Variants in RBM34 observed in about 807,000 individuals in gnomAD.
RBM34 encodes the protein RNA binding motif protein 34.
In RBM34, 39 loss-of-function variants were observed where a neutral mutation model predicts 44.6. That is an observed-to-expected ratio of 0.87 (90% CI 0.68 to 1.14). RBM34 has a LOEUF of 1.14. Ranked by LOEUF, RBM34 falls within the 50% of genes most tolerant of loss-of-function variation. The pLI is 0.00. For missense variants in RBM34, 572 were observed against 517.9 expected (o/e 1.10, Z -1.01); for synonymous variants, 194 against 184.0 (o/e 1.05, Z -0.44).
intron 3 of RBM34, 104 bp from the exon 4 acceptor site, chr1:235,155,216 G>A (rs950179962): frequency 1.1e-6 from 1 of 937,572 alleles, no homozygotes; most frequent in East Asian, 2.6e-5. Flanking sequence ...ATTTCCCAAT[G>A]TCTTCTGAAT....
At position 235,140,757 on chromosome 1, in the gene RBM34, C is replaced by G. The variant is rs572643194; in HGVS notation, c.702-2583G>C. Among the ~76,000 whole-genome samples, 5 of 152,338 alleles carry G rather than the reference C, an allele frequency of 3.3e-5. No homozygotes were observed. The East Asian group carries it at 7.7e-4, about 24-fold the overall frequency. On this transcript the variant is annotated intron_variant, in intron 6 of 10. Coordinates refer to ENST00000408888, the MANE Select transcript of RBM34 (RefSeq NM_015014.4). ...CACTGGGTGAAGCCAGCTGGGCTCC[C>G]GAGTCTGGTGGGGATGTGGACAACC... is the stretch of plus-strand genomic sequence containing the variant.
intron 5 of RBM34, among the ~76,000 whole-genome samples, chr1:235,149,004 A>G (rs1391088845): frequency 1.3e-5 from 2 of 152,126 alleles, no homozygotes; most frequent in Non-Finnish European, 2.9e-5. Context: ...ACCCAGACAG[A>G]AGTTAAGATA....
In RBM34 at chr1:235,131,671, T is replaced by G. The variant is rs758517108; in HGVS notation, c.*42A>C. 5 of 1,544,010 alleles carry G rather than the reference T, an allele frequency of 3.2e-6. No homozygotes were observed. The highest frequency in any genetic ancestry group is 4.3e-5 in the Admixed American group (2 of 46,074). The stretch of plus-strand genomic sequence containing the variant: ...CTATCAGCAGATAATAGCACTTTTA[T>G]TAGCAGTACTCAGCAGGAAAAGAAA... On this transcript the variant is annotated 3_prime_UTR_variant, in exon 11 of 11. Transcript: ENST00000408888.
At chr1:235,132,350 C>A (rs1224880262) in intron 10 of RBM34, among the ~76,000 whole-genome samples, 1 of 151,906 alleles carries the variant, frequency 6.6e-6, no homozygotes, top group Non-Finnish European at 1.5e-5. Context: ...CGCTCTGTTG[C>A]CAGGCTGGAG....
chr1:235,141,733 C>T (rs1011557348), intron 6 of RBM34, among the ~76,000 whole-genome samples: 6 of 152,120 alleles, frequency 3.9e-5, no homozygotes, highest in East Asian at 1.9e-4. Context: ...ACGAGGCCAC[C>T]GGGAGGAACG....
At chr1:235,148,326 T>G in intron 6 of RBM34, 78 bp downstream of exon 6, 1 of 1,073,030 alleles carries the variant, frequency 9.3e-7, no homozygotes, top group South Asian at 1.6e-5. Context: ...TCTATGCAAT[T>G]GTTAAGAAAT....
intron 6 of RBM34, among the ~76,000 whole-genome samples, chr1:235,138,504 A>C (rs1661531597): frequency 6.6e-6 from 1 of 152,212 alleles, no homozygotes; most frequent in South Asian, 2.1e-4. Flanking sequence ...ACACACATAT[A>C]AACAGTTGTG....
intron 3 of RBM34, among the ~76,000 whole-genome samples, chr1:235,155,824 T>C (rs1442749829): frequency 2.6e-4 from 2 of 7,684 alleles, no homozygotes; most frequent in African/African-American, 7.6e-4. Flanking sequence ...TACATATACA[T>C]ATATATATAT....
At chr1:235,140,424 G>T (rs1475903437) in intron 6 of RBM34, among the ~76,000 whole-genome samples, 1 of 152,218 alleles carries the variant, frequency 6.6e-6, no homozygotes, top group African/African-American at 2.4e-5. Flanking sequence ...GCAGTGAGGG[G>T]CTTAGCACCC....
rs1172462826 is a variant in RBM34, at chr1:235,155,822, C to CATATATAT, written c.366-718_366-711dup. The stretch of plus-strand genomic sequence containing the variant: ...GTCCAGTCTTTTATACATACATATA[C>CATATATAT]ATATATATATATATATATATATATA... On this transcript the variant is annotated intron_variant, in intron 3 of 10. Transcript: ENST00000408888. Among the ~76,000 whole-genome samples, 470 of 63,748 alleles carry CATATATAT rather than the reference C, an allele frequency of 7.4e-3. 13 individuals carry two copies. The highest frequency in any genetic ancestry group is 0.01 in the African/African-American group (86 of 8,576). 41.8% of individuals were successfully genotyped at this position (63,748 alleles called of 152,430 possible).
In RBM34 at chr1:235,148,536, C is replaced by G; in HGVS notation, c.658-89G>C. ...TAAGTGAAGTCTAAGTATCTAACTC[C>G]AGTACACTGTGATCAAAAACATTCT... is the stretch of plus-strand genomic sequence containing the variant. On this transcript the variant is annotated intron_variant, in intron 5 of 10. Coordinates refer to ENST00000408888, the MANE Select transcript of RBM34 (RefSeq NM_015014.4). 6 of 881,220 alleles carry G rather than the reference C, an allele frequency of 6.8e-6. No homozygotes were observed. The South Asian group carries it at 1.2e-4, about 17-fold the overall frequency. The allele number at this position is 881,220 out of a possible 1,614,324, so 54.6% of individuals were successfully genotyped here. A position where few individuals can be genotyped will look rare whatever the true frequency, so the allele number is the denominator to read the frequency against.
intron 10 of RBM34, among the ~76,000 whole-genome samples, chr1:235,134,629 A>G (rs1449428318): frequency 1.3e-5 from 2 of 152,224 alleles, no homozygotes; most frequent in Non-Finnish European, 2.9e-5. Context: ...TAGTACTTCT[A>G]ATATCCAGGA....
At chr1:235,156,606 T>G (rs1194110207) in intron 3 of RBM34, 1 of 446,936 alleles carries the variant, frequency 2.2e-6, no homozygotes, top group Admixed American at 2.9e-5. Flanking sequence ...AAAAGTAAAT[T>G]GTGAAACGGT....
chr1:235,161,221 G>A lies in RBM34; in HGVS notation c.6C>T (p.Ala2=), dbSNP rs763067377. The A allele has an allele frequency of 1.4e-5, 22 of 1,613,070 alleles. No individual in the cohort carries two copies. Among genetic ancestry groups the A allele is most frequent in the African/African-American group, 2.7e-5 (2 of 74,872 alleles). Residue 2 remains alanine, a synonymous_variant, in exon 1 of 11, where the codon GCC becomes GCT. Transcript: ENST00000408888. The part of the protein sequence containing the change: M[A]LEGMSKRKRK... ...TCTTCCGTTTGCTCATCCCTTCCAAGGCCATTCTTACTCCAAAGACTCCCA... is the reference window on the plus strand; with the variant it reads ...TCTTCCGTTTGCTCATCCCTTCCAAAGCCATTCTTACTCCAAAGACTCCCA...
chr1:235,159,270 G>A (rs1458332772), intron 3 of RBM34, among the ~76,000 whole-genome samples: 6 of 151,574 alleles, frequency 4.0e-5, no homozygotes, highest in Non-Finnish European at 7.4e-5. Flanking sequence ...CACCAAACTC[G>A]GCCAGGTGTG....
chr1:235,149,114 C>G (rs1366980676), intron 5 of RBM34, among the ~76,000 whole-genome samples: 1 of 151,632 alleles, frequency 6.6e-6, no homozygotes. Flanking sequence ...AAAGGCCGGG[C>G]GCGGTGGCTC....
chr1:235,145,497 C>T (rs570025834), intron 6 of RBM34, among the ~76,000 whole-genome samples: 2 of 152,032 alleles, frequency 1.3e-5, no homozygotes, highest in Admixed American at 6.6e-5. Flanking sequence ...AGGCTGGTCT[C>T]GAACTCCTAG....
intron 4 of RBM34, among the ~76,000 whole-genome samples, chr1:235,153,673 G>A (rs1442035061): frequency 6.6e-6 from 1 of 152,096 alleles, no homozygotes; most frequent in Non-Finnish European, 1.5e-5. Context: ...GGATCCGCCC[G>A]CCTTGGCCTT....
intron 5 of RBM34, among the ~76,000 whole-genome samples, chr1:235,151,337 T>A (rs1662149675): frequency 6.6e-6 from 1 of 152,016 alleles, no homozygotes; most frequent in Admixed American, 6.6e-5. Context: ...TATATTGAAA[T>A]CAGGGTCTGG....
Sources: gnomAD v4.1 joint callset for allele counts (sites outside exome capture counted in the v4.1 genomes callset) on GRCh38, gnomAD v4.1.1 for gene constraint, MANE v1.5 for transcripts, NCBI Gene and HGNC (gene_info 2026-07-23, HGNC 2026-07-21) for gene names.